SCAI: variants seen among roughly 807,000 people sequenced by gnomAD.
SCAI encodes protein SCAI.
A neutral mutation model predicts 92.2 loss-of-function variants in SCAI; 24 were observed. That is an observed-to-expected ratio of 0.26 (90% CI 0.19 to 0.37). The LOEUF (loss-of-function observed/expected upper bound fraction) is 0.37. Ranked by LOEUF, SCAI falls within the 10% of genes least tolerant of loss-of-function variation. The pLI is 1.00. For missense variants in SCAI, 450 were observed against 736.2 expected (o/e 0.61, Z 4.50); for synonymous variants, 261 against 258.6 (o/e 1.01, Z -0.09).
intron 17 of SCAI, among the ~76,000 whole-genome samples, chr9:124,964,210 T>C (rs1232118594): frequency 6.6e-6 from 1 of 152,218 alleles, no homozygotes; most frequent in Non-Finnish European, 1.5e-5. Flanking sequence ...CTGCTTCTTC[T>C]ATGTCTGCTT....
At chr9:125,004,758 T>C (rs1832448898) in intron 9 of SCAI, among the ~76,000 whole-genome samples, 1 of 10,038 alleles carries the variant, frequency 1.0e-4, no homozygotes, top group Non-Finnish European at 2.8e-4. Context: ...TATATATATA[T>C]ATATATATAT....
intron 13 of SCAI, among the ~76,000 whole-genome samples, chr9:124,998,451 T>G (rs1588141646): frequency 6.7e-6 from 1 of 149,904 alleles, no homozygotes; most frequent in East Asian, 2.0e-4. Context: ...AGATTCCATC[T>G]CAAAAAAAAA....
chr9:125,070,524 G>A (rs546157483), intron 2 of SCAI, among the ~76,000 whole-genome samples: 23 of 150,556 alleles, frequency 1.5e-4, no homozygotes, highest in African/African-American at 5.1e-4. Context: ...CTCAGCCTCC[G>A]AGTAGCTGGG....
intron 2 of SCAI, among the ~76,000 whole-genome samples, chr9:125,094,933 A>C (rs1588215796): frequency 1.3e-5 from 2 of 152,368 alleles, no homozygotes; most frequent in East Asian, 3.9e-4. Flanking sequence ...AAGGAATAAA[A>C]GAAACTTTAA....
rs1834420014 is a variant in SCAI, at chr9:125,091,041, C to T, written c.99-35034G>A. Among the ~76,000 whole-genome samples, 2 of 152,060 alleles carry T rather than the reference C, an allele frequency of 1.3e-5. No individual in the cohort carries two copies. The highest frequency in any genetic ancestry group is 6.6e-5 in the Admixed American group (1 of 15,264). ...GCTGAGGCAGGAGAATAGGTGAACC[C>T]GGGAGGCGGAGCTTGCAGTGAGCTG... On this transcript the variant is annotated intron_variant, in intron 2 of 17. Transcript: ENST00000336505. This position sits in a 1 kb window ranked among gnomAD's most constrained non-coding sequence, Gnocchi z 4.3.
intron 2 of SCAI, among the ~76,000 whole-genome samples, chr9:125,080,213 G>C (rs558083746): frequency 2.0e-5 from 3 of 152,144 alleles, no homozygotes; most frequent in African/African-American, 7.2e-5. Flanking sequence ...TATAAGGTAG[G>C]CACTGTCACC....
intron 2 of SCAI, among the ~76,000 whole-genome samples, chr9:125,109,215 C>T (rs1834882296): frequency 6.6e-6 from 1 of 152,158 alleles, no homozygotes; most frequent in Non-Finnish European, 1.5e-5. Context: ...GGGACACAAA[C>T]ACTGCGGAAG....
intron 17 of SCAI, among the ~76,000 whole-genome samples, chr9:124,955,184 A>AC (rs1230666865): frequency 6.6e-6 from 1 of 151,712 alleles, no homozygotes; most frequent in Non-Finnish European, 1.5e-5. Flanking sequence ...AAAAAAAAAA[A>AC]ATTAAAGATA....
chr9:125,138,890 G>A (rs1344243808), intron 2 of SCAI, among the ~76,000 whole-genome samples: 1 of 152,224 alleles, frequency 6.6e-6, no homozygotes, highest in Non-Finnish European at 1.5e-5. Context: ...CTGAGGCAGA[G>A]ACAGGCTTAT....
intron 13 of SCAI, among the ~76,000 whole-genome samples, chr9:124,996,161 A>C (rs1832234974): frequency 7.1e-6 from 1 of 141,556 alleles, no homozygotes; most frequent in African/African-American, 2.6e-5. Flanking sequence ...CGATCAAATT[A>C]ATCAACACCT....
chr9:125,040,074 G>C (rs931658871), intron 3 of SCAI, among the ~76,000 whole-genome samples: 5 of 152,146 alleles, frequency 3.3e-5, no homozygotes, highest in African/African-American at 1.2e-4. Context: ...AATGATTTTG[G>C]CAGGGGACTG....
rs1484976594 is a variant in SCAI at position 125,003,232 on chromosome 9, A to T, written c.964-17T>A. On this transcript the variant is annotated splice_polypyrimidine_tract_variant and intron_variant, in intron 10 of 17. Coordinates refer to ENST00000336505, the MANE Select transcript of SCAI (RefSeq NM_001144877.3). ...AGCTGATTCCTATATTTACACACAG[A>T]AAACATTATACATAAAAGCTGCATT... The T allele has an allele frequency of 1.3e-6, 2 of 1,554,950 alleles. No individual in the cohort carries two copies. The highest frequency in any genetic ancestry group is 3.3e-5 in the Admixed American group (2 of 59,712).
At chr9:124,960,049 C>G (rs1366174925) in intron 17 of SCAI, among the ~76,000 whole-genome samples, 5 of 151,936 alleles carry the variant, frequency 3.3e-5, no homozygotes, top group Non-Finnish European at 4.4e-5. Context: ...GGGTATATAC[C>G]CAGTAATGGG....
At chr9:124,963,725 T>C (rs1359141482) in intron 17 of SCAI, among the ~76,000 whole-genome samples, 1 of 115,198 alleles carries the variant, frequency 8.7e-6, no homozygotes, top group African/African-American at 3.4e-5. Flanking sequence ...GCTCCAGCCT[T>C]CCAACCTGGG....
intron 17 of SCAI, chr9:124,968,188 G>C: frequency 1.5e-6 from 1 of 654,586 alleles, no homozygotes; most frequent in South Asian, 2.0e-5. Flanking sequence ...CTCAAAAGCA[G>C]GAATGAAAAA....
chr9:124,986,078 T>C (rs1831984677), intron 14 of SCAI, among the ~76,000 whole-genome samples: 1 of 152,042 alleles, frequency 6.6e-6, no homozygotes, highest in African/African-American at 2.4e-5. Flanking sequence ...GATCACGACG[T>C]CAGGAGATAG....
chr9:125,038,274 T>G (rs1564388618), intron 3 of SCAI, among the ~76,000 whole-genome samples: 1 of 152,274 alleles, frequency 6.6e-6, no homozygotes, highest in Non-Finnish European at 1.5e-5. Context: ...CAAATGAAAC[T>G]GTTTCCTTTT....
At chr9:125,113,179 T>G (rs78486599) in intron 2 of SCAI, among the ~76,000 whole-genome samples, 6,333 of 152,228 alleles carry the variant, frequency 0.042, 429 homozygotes, top group African/African-American at 0.14. Flanking sequence ...ATGAAGAAAT[T>G]TGACAAGCCC....
intron 3 of SCAI, among the ~76,000 whole-genome samples, chr9:125,046,429 T>C (rs145251012): frequency 1.4e-5 from 2 of 143,590 alleles, no homozygotes; most frequent in East Asian, 4.2e-4. Context: ...TTGGAGACCA[T>C]TATTCTAAGT....
Sources: allele counts gnomAD v4.1 joint callset (sites outside exome capture counted in the v4.1 genomes callset), GRCh38; gene constraint gnomAD v4.1.1; non-coding constraint Gnocchi (gnomAD v3.1); transcripts MANE v1.5; gene names NCBI Gene and HGNC (gene_info 2026-07-23, HGNC 2026-07-21).